The following CXADR variants were observed in gnomAD, a reference collection of about 807,000 sequenced individuals.
CXADR encodes CXADR cell adhesion molecule.
In CXADR, 20 loss-of-function variants were observed where a neutral mutation model predicts 40.3. That is an observed-to-expected ratio of 0.50 (90% CI 0.35 to 0.72). The LOEUF (loss-of-function observed/expected upper bound fraction) is 0.72. CXADR is among the 30% of genes least tolerant of loss of function. The probability of loss-of-function intolerance (pLI) is 0.01; values close to 1 mark genes in which losing one functional copy is unlikely to be tolerated. For synonymous variants in CXADR, 150 were observed against 161.3 expected (o/e 0.93, Z 0.53); for missense variants, 332 against 449.1 (o/e 0.74, Z 2.36).
At chr21:17,576,344 T>G (rs182907757) in intron 7 of CXADR, among the ~76,000 whole-genome samples, 170 of 152,238 alleles carry the variant, frequency 1.1e-3, no homozygotes, top group Middle Eastern at 3.4e-3. Flanking sequence ...GACAAACCAC[T>G]TAACCTCTCC....
At chr21:17,576,161 A>G (rs1411886015) in intron 7 of CXADR, among the ~76,000 whole-genome samples, 1 of 151,840 alleles carries the variant, frequency 6.6e-6, no homozygotes, top group East Asian at 1.9e-4. Flanking sequence ...GGTTCCATTG[A>G]TTGAACAAAT....
the CXADR span, chr21:17,609,235 C>T: frequency 7.7e-7 from 1 of 1,292,042 alleles, no homozygotes; most frequent in Non-Finnish European, 1.1e-6. Flanking sequence ...ACCTCCTTTA[C>T]AGCTCTCCCC....
downstream of CXADR, among the ~76,000 whole-genome samples, chr21:17,574,325 G>A (rs575631874): frequency 6.6e-6 from 1 of 152,260 alleles, no homozygotes; most frequent in Admixed American, 6.5e-5. Context: ...ACCCTTCTAG[G>A]AATGCTCTAT....
intron 7 of CXADR, among the ~76,000 whole-genome samples, chr21:17,579,672 T>A (rs1207911659): frequency 6.6e-6 from 1 of 152,180 alleles, no homozygotes; most frequent in East Asian, 1.9e-4. Flanking sequence ...AGAAAAGAGA[T>A]GAAATTTAGG....
At chr21:17,561,271 GC>G in intron 5 of CXADR, 66 bp from the exon 6 acceptor site, 1 of 905,770 alleles carries the variant, frequency 1.1e-6, no homozygotes, top group Non-Finnish European at 1.6e-6. Flanking sequence ...AAAATGTATA[GC>G]CTACCTTCAG....
chr21:17,598,859 G>A, the CXADR span: 1 of 1,567,672 alleles, frequency 6.4e-7, no homozygotes, highest in Non-Finnish European at 8.7e-7. Flanking sequence ...AAATCTTGAA[G>A]TCACATCAGC....
chr21:17,563,288 TA>T (rs557674214), intron 6 of CXADR, among the ~76,000 whole-genome samples: 124 of 152,238 alleles, frequency 8.1e-4, no homozygotes, highest in South Asian at 3.5e-3. Flanking sequence ...ATAAATAAGA[TA>T]TTTTTTTAAA....
intron 1 of CXADR, among the ~76,000 whole-genome samples, chr21:17,514,593 C>T (rs184866129): frequency 2.7e-5 from 4 of 149,082 alleles, no homozygotes; most frequent in Admixed American, 2.7e-4. Context: ...TTTTAGACCA[C>T]ATCTAAAGCA....
downstream of CXADR, chr21:17,594,037 AG>A (rs1362848433): frequency 1.9e-6 from 3 of 1,575,218 alleles, no homozygotes; most frequent in Non-Finnish European, 2.6e-6. Context: ...TTTAATGTGT[AG>A]TAAGGTTTAT....
the CXADR span, chr21:17,598,647 C>A: frequency 6.2e-7 from 1 of 1,614,014 alleles, no homozygotes. Flanking sequence ...CTGCAGTCAC[C>A]GAACTGGGTT....
intron 1 of CXADR, among the ~76,000 whole-genome samples, chr21:17,533,508 GC>G (rs1371730929): frequency 9.2e-5 from 14 of 152,128 alleles, no homozygotes; most frequent in African/African-American, 3.1e-4. Flanking sequence ...GAATCAGTCG[GC>G]CTAGATTTGA....
Position 17,566,335 on chromosome 21 carries a change from A to G in CXADR, c.*643A>G, listed in dbSNP as rs533811462. 1 of 984,026 alleles carries G rather than the reference A, an allele frequency of 1.0e-6. No homozygotes were observed. The highest frequency in any genetic ancestry group is 1.7e-5 in the African/African-American group (1 of 57,330). 61.0% of individuals were successfully genotyped at this position (984,026 alleles called of 1,614,324 possible). A position where few individuals can be genotyped will look rare whatever the true frequency, so the allele number is the denominator to read the frequency against. On this transcript the variant is annotated 3_prime_UTR_variant, in exon 7 of 7. Coordinates refer to ENST00000284878, the MANE Select transcript of CXADR (RefSeq NM_001338.5). Reference sequence around the variant, plus strand: ...TTAAATATTTAGTTGATAGACTGCTACAGGTAATAGGGACTTAGCAAGCTC... The same window carrying G: ...TTAAATATTTAGTTGATAGACTGCTGCAGGTAATAGGGACTTAGCAAGCTC...
At chr21:17,540,075 G>A (rs1327875017) in intron 1 of CXADR, among the ~76,000 whole-genome samples, 1 of 152,172 alleles carries the variant, frequency 6.6e-6, no homozygotes, top group Non-Finnish European at 1.5e-5. Context: ...TCTGGTGAGG[G>A]CCCTCTTCCT....
the CXADR span, among the ~76,000 whole-genome samples, chr21:17,600,280 G>C: frequency 6.6e-6 from 1 of 152,068 alleles, no homozygotes; most frequent in East Asian, 1.9e-4. Context: ...ACAATTTCTA[G>C]CATCAGGACA....
chr21:17,513,162 CG>C lies in CXADR; in HGVS notation c.35del (p.Gly12GlufsTer2). 1 of 1,366,766 alleles carries C rather than the reference CG, an allele frequency of 7.3e-7. No individual in the cohort carries two copies. Among genetic ancestry groups the C allele is most frequent in the Non-Finnish European group, 9.5e-7 (1 of 1,057,330 alleles). The allele number at this position is 1,366,766 out of a possible 1,614,324, so 84.7% of individuals were successfully genotyped here. On this transcript the variant is annotated frameshift_variant, in exon 1 of 7. Coordinates refer to ENST00000284878, the MANE Select transcript of CXADR (RefSeq NM_001338.5). LOFTEE classifies it high-confidence loss of function. ...TCCTGCTGTGCTTCGTGCTCCTGTG[CG>C]GAGTAGTGGGTGAGTAGGGGCCATG... ...ALLLCFVLLCGVVDFARSLSI... is the reference protein window; with the variant it reads ...ALLLCFVLLCXVVDFARSLSI...
intron 1 of CXADR, among the ~76,000 whole-genome samples, chr21:17,537,602 C>T (rs1195920334): frequency 2.6e-5 from 4 of 152,108 alleles, no homozygotes; most frequent in Admixed American, 2.0e-4. Flanking sequence ...CATGTGCCAT[C>T]ACTGATCAGG....
chr21:17,583,145 T>G (rs1389996929), intron 7 of CXADR, among the ~76,000 whole-genome samples: 2 of 152,190 alleles, frequency 1.3e-5, no homozygotes, highest in African/African-American at 2.4e-5. Context: ...AAAGTAAAAT[T>G]AAACAATTAC....
downstream of CXADR, among the ~76,000 whole-genome samples, chr21:17,571,673 A>G (rs1809883392): frequency 6.6e-6 from 1 of 152,202 alleles, no homozygotes; most frequent in Non-Finnish European, 1.5e-5. Context: ...GTATTTCCAA[A>G]ATGTAAGTCA....
At chr21:17,565,004 G>A (rs1454697072) in intron 6 of CXADR, among the ~76,000 whole-genome samples, 3 of 152,116 alleles carry the variant, frequency 2.0e-5, no homozygotes, top group Non-Finnish European at 4.4e-5. Flanking sequence ...CAAAGTGCTG[G>A]GATTACAGGT....
Sources: gnomAD v4.1 joint callset for allele counts (sites outside exome capture counted in the v4.1 genomes callset) on GRCh38, gnomAD v4.1.1 for gene constraint, MANE v1.5 for transcripts, NCBI Gene and HGNC (gene_info 2026-07-23, HGNC 2026-07-21) for gene names.